The following SSBP1 variants were observed in gnomAD, a reference collection of about 807,000 sequenced individuals.
SSBP1 encodes single-stranded DNA-binding protein, mitochondrial.
In SSBP1, 20 loss-of-function variants were observed where a neutral mutation model predicts 27.0. That is an observed-to-expected ratio of 0.74 (90% CI 0.52 to 1.08). SSBP1 has a LOEUF of 1.08. Among genes scored for constraint, SSBP1 ranks in the 50% least tolerant of loss-of-function variants. The probability of loss-of-function intolerance (pLI) is 0.00; values close to 1 mark genes in which losing one functional copy is unlikely to be tolerated. For missense variants in SSBP1, 137 were observed against 182.4 expected (o/e 0.75, Z 1.44); for synonymous variants, 59 against 59.3 (o/e 1.00, Z 0.02).
At chr7:141,746,833 T>C (rs1162832769) in intron 6 of SSBP1, among the ~76,000 whole-genome samples, 1 of 152,174 alleles carries the variant, frequency 6.6e-6, no homozygotes. Flanking sequence ...CAATACAAAA[T>C]TGTGTTATTT....
intron 2 of SSBP1, 44 bp downstream of exon 2, chr7:141,739,234 C>G (rs773235695): frequency 2.0e-6 from 3 of 1,505,438 alleles, no homozygotes; most frequent in Non-Finnish European, 2.7e-6. Context: ...TTACTATCAG[C>G]CACAGTGATC....
At chr7:141,747,639 C>T (rs976385195) in intron 6 of SSBP1, among the ~76,000 whole-genome samples, 1 of 151,678 alleles carries the variant, frequency 6.6e-6, no homozygotes, top group African/African-American at 2.4e-5. Context: ...CTGCCCACTT[C>T]AGCCTCCCAA....
At chr7:141,740,694 G>C (rs1405703119) in intron 2 of SSBP1, 1 of 152,160 alleles carries the variant, frequency 6.6e-6, no homozygotes, top group Non-Finnish European at 1.5e-5. Flanking sequence ...GACTTGGACA[G>C]TCGAGTCTTT....
At chr7:141,747,865 A>G (rs1420563669) in intron 6 of SSBP1, among the ~76,000 whole-genome samples, 2 of 150,796 alleles carry the variant, frequency 1.3e-5, no homozygotes, top group Non-Finnish European at 3.0e-5. Flanking sequence ...GGGTCTAGTA[A>G]TGCGTGTCTG....
At chr7:141,743,335 C>T (rs1292609546) in intron 3 of SSBP1, among the ~76,000 whole-genome samples, 1 of 152,236 alleles carries the variant, frequency 6.6e-6, no homozygotes, top group African/African-American at 2.4e-5. Context: ...GTTGCCTTCT[C>T]ACCGTGTCTT....
At chr7:141,749,771 C>A (rs1799900859) in intron 6 of SSBP1, among the ~76,000 whole-genome samples, 1 of 152,052 alleles carries the variant, frequency 6.6e-6, no homozygotes, top group Non-Finnish European at 1.5e-5. Context: ...GACAGAGACT[C>A]CATCTCCAAA....
At chr7:141,744,693 T>A (rs894012430) in intron 5 of SSBP1, among the ~76,000 whole-genome samples, 5 of 152,266 alleles carry the variant, frequency 3.3e-5, no homozygotes, top group African/African-American at 1.2e-4. Context: ...CTTTTCTTCC[T>A]ATGTATCTTC....
At chr7:141,744,985 C>T (rs777208481) in intron 5 of SSBP1, among the ~76,000 whole-genome samples, 9 of 152,078 alleles carry the variant, frequency 5.9e-5, no homozygotes, top group East Asian at 3.8e-4. Context: ...GTAATTACCT[C>T]TAAGTGGTAT....
At chr7:141,748,663 T>G (rs1799868485) in intron 6 of SSBP1, among the ~76,000 whole-genome samples, 1 of 152,242 alleles carries the variant, frequency 6.6e-6, no homozygotes. Context: ...CTGTTTTGTT[T>G]TTTTTCCTTG....
At position 141,750,379 on chromosome 7, in the gene SSBP1, C is replaced by A; in HGVS notation, c.*25C>A. The A allele has an allele frequency of 6.4e-7, 1 of 1,573,514 alleles. No individual in the cohort carries two copies. Among genetic ancestry groups the A allele is most frequent in the Non-Finnish European group, 8.6e-7 (1 of 1,161,002 alleles). On this transcript the variant is annotated 3_prime_UTR_variant, in exon 7 of 7. Transcript: ENST00000265304. ...GAAAGGATGATTCTTCTTTGGCCAT[C>A]ATTTGGTACAGTCTCATTTCCAAGT...
intron 6 of SSBP1, 40 bp from the exon 7 acceptor site, chr7:141,750,269 AAG>A (rs757010022): frequency 5.0e-6 from 7 of 1,412,726 alleles, no homozygotes; most frequent in Non-Finnish European, 4.9e-6. Flanking sequence ...GAGATGGAGA[AAG>A]AGTTCTGAAA....
rs1439434269 is a variant in SSBP1, at chr7:141,743,548, T to C, written c.86-13T>C. 6.2e-7 allele frequency: 1 copy of C among 1,613,404 alleles called. No individual in the cohort carries two copies. The highest frequency in any genetic ancestry group is 1.7e-5 in the Admixed American group (1 of 59,884). ...AGCAGGTTGTCTCATTTGGTCTTGA[T>C]GTTGTGTTTCAGCCCTGAATCGTGT... On this transcript the variant is annotated splice_polypyrimidine_tract_variant and intron_variant, in intron 3 of 6. Coordinates refer to ENST00000265304, the MANE Select transcript of SSBP1 (RefSeq NM_003143.3).
chr7:141,746,935 T>G (rs1390028328), intron 6 of SSBP1, among the ~76,000 whole-genome samples: 1 of 152,214 alleles, frequency 6.6e-6, no homozygotes, highest in Non-Finnish European at 1.5e-5. Context: ...AATTTTCCAT[T>G]ATTCTTTTTT....
chr7:141,748,939 G>C (rs1332290504), intron 6 of SSBP1, among the ~76,000 whole-genome samples: 2 of 152,220 alleles, frequency 1.3e-5, no homozygotes, highest in East Asian at 1.9e-4. Flanking sequence ...TCTAGTTTTT[G>C]GAAGACTATG....
chr7:141,746,296 C>A (rs1799788396), intron 6 of SSBP1: 1 of 152,238 alleles, frequency 6.6e-6, no homozygotes, highest in Non-Finnish European at 1.5e-5. Context: ...TGTGAGATTA[C>A]AGGCATGAGC....
intron 5 of SSBP1, 103 bp from the exon 6 acceptor site, chr7:141,745,383 CTTATATATGA>C (rs1799740621): frequency 2.3e-6 from 2 of 858,898 alleles, no homozygotes; most frequent in African/African-American, 3.4e-5. Context: ...CAAAAATTAG[CTTATATATGA>C]TTATATATTT....
intron 6 of SSBP1, among the ~76,000 whole-genome samples, chr7:141,746,912 T>C (rs181953445): frequency 8.0e-4 from 122 of 152,334 alleles, no homozygotes; most frequent in Admixed American, 1.9e-3. Context: ...AAAATACCAG[T>C]TCAGCATTTG....
Position 141,745,564 on chromosome 7 carries a change from A to G in SSBP1, c.383A>G (p.Gln128Arg). 1 of 1,613,320 alleles carries G rather than the reference A, an allele frequency of 6.2e-7. No individual in the cohort carries two copies. Among genetic ancestry groups the G allele is most frequent in the Non-Finnish European group, 8.5e-7 (1 of 1,179,644 alleles). Residue 128 changes from glutamine to arginine, a missense_variant, in exon 6 of 7, where the codon CAA becomes CGA. By Grantham distance (43) the Gln-to-Arg change is conservative. Around this residue, in one of 2 missense-constraint regions of SSBP1, gnomAD observed 95 missense variants for 152.0 expected, o/e 0.62. Coordinates refer to ENST00000265304, the MANE Select transcript of SSBP1 (RefSeq NM_003143.3). Reference sequence around the variant, plus strand: ...ATGGATAAAAATAATGTGAGGCGACAAGCAACAACAATCATAGCTGGTAAG... The same window carrying G: ...ATGGATAAAAATAATGTGAGGCGACGAGCAACAACAATCATAGCTGGTAAG... The part of the protein sequence containing the change: ...EYMDKNNVRR[Q>R]ATTIIADNII...
chr7:141,742,315 G>C, intron 3 of SSBP1, 86 bp downstream of exon 3: 2 of 980,970 alleles, frequency 2.0e-6, no homozygotes, highest in Admixed American at 1.9e-5. Context: ...TGCTGCTTGG[G>C]TTAACCATGT....
Sources: gnomAD v4.1 joint callset for allele counts (sites outside exome capture counted in the v4.1 genomes callset) on GRCh38, gnomAD v4.1.1 for gene constraint, gnomAD v4.1.1 regional missense constraint, MANE v1.5 for transcripts, NCBI Gene and HGNC (gene_info 2026-07-23, HGNC 2026-07-21) for gene names.